Variants in SHISA9 observed in about 807,000 individuals in gnomAD.
SHISA9 encodes shisa family member 9, also known as protein shisa-9.
In SHISA9, 13 loss-of-function variants were observed where a neutral mutation model predicts 38.0. The observed-to-expected ratio is 0.34, with a 90% confidence interval of 0.22 to 0.54. The LOEUF (loss-of-function observed/expected upper bound fraction) is 0.54. Ranked by LOEUF, SHISA9 falls within the 20% of genes least tolerant of loss-of-function variation. SHISA9 has a pLI of 0.91. For missense variants in SHISA9, 538 were observed against 575.8 expected (o/e 0.93, Z 0.67); for synonymous variants, 275 against 242.0 (o/e 1.14, Z -1.27).
chr16:13,023,317 G>C (rs59309174), intron 2 of SHISA9, among the ~76,000 whole-genome samples: 75 of 152,226 alleles, frequency 4.9e-4, no homozygotes, highest in African/African-American at 1.7e-3. Flanking sequence ...ATGGTTTCCA[G>C]CTTCATCCAT....
chr16:13,019,948 T>TTCGTTCC (rs1567184258), intron 2 of SHISA9, among the ~76,000 whole-genome samples: 2 of 58,522 alleles, frequency 3.4e-5, no homozygotes, highest in Non-Finnish European at 7.6e-5. Flanking sequence ...TCTTTCTTTC[T>TTCGTTCC]TTCTTTCTTT....
chr16:13,531,871 A>G, the SHISA9 span, among the ~76,000 whole-genome samples: 2 of 152,200 alleles, frequency 1.3e-5, no homozygotes, highest in Admixed American at 6.5e-5. Flanking sequence ...AAAGCTATTA[A>G]AGATGAATTA....
At chr16:13,046,292 A>G (rs527292411) in intron 2 of SHISA9, among the ~76,000 whole-genome samples, 14 of 152,290 alleles carry the variant, frequency 9.2e-5, no homozygotes, top group Non-Finnish European at 1.3e-4. Flanking sequence ...GTCCTATATG[A>G]GCTGACAAGG....
chr16:13,102,837 T>C (rs73520665), intron 2 of SHISA9, among the ~76,000 whole-genome samples: 3,230 of 152,330 alleles, frequency 0.021, 129 homozygotes, highest in African/African-American at 0.074. Context: ...ACTATTATTC[T>C]GCCTAGGCCA....
At chr16:13,046,834 C>T (rs1354736028) in intron 2 of SHISA9, among the ~76,000 whole-genome samples, 1 of 152,158 alleles carries the variant, frequency 6.6e-6, no homozygotes. Flanking sequence ...ACCACTCTTC[C>T]TCTGCATGGC....
At chr16:13,337,311 C>A in the SHISA9 span, among the ~76,000 whole-genome samples, 1 of 152,158 alleles carries the variant, frequency 6.6e-6, no homozygotes, top group Non-Finnish European at 1.5e-5. Context: ...ATAAGTCTCA[C>A]GAGATCTGAT....
the SHISA9 span, among the ~76,000 whole-genome samples, chr16:13,550,480 A>G: frequency 6.6e-6 from 1 of 152,158 alleles, no homozygotes; most frequent in Non-Finnish European, 1.5e-5. Context: ...CCAAGTGGCA[A>G]CTCTTAACCA....
chr16:12,902,671 C>G, intron 1 of SHISA9, 44 bp downstream of exon 1: 1 of 1,477,974 alleles, frequency 6.8e-7, no homozygotes, highest in East Asian at 2.5e-5. Flanking sequence ...CTTCGCTCTC[C>G]CTGCTCTCTC....
chr16:13,559,009 T>C, the SHISA9 span, among the ~76,000 whole-genome samples: 1 of 152,232 alleles, frequency 6.6e-6, no homozygotes, highest in Non-Finnish European at 1.5e-5. Flanking sequence ...GATCAATTTA[T>C]AGTTTACAAA....
At chr16:13,054,583 G>A (rs2073288912) in intron 2 of SHISA9, among the ~76,000 whole-genome samples, 2 of 152,166 alleles carry the variant, frequency 1.3e-5, no homozygotes, top group Admixed American at 1.3e-4. Flanking sequence ...GGACAAATTT[G>A]ACTTATTTTC....
chr16:13,096,565 G>T (rs1466045395), intron 2 of SHISA9, among the ~76,000 whole-genome samples: 3 of 152,094 alleles, frequency 2.0e-5, no homozygotes, highest in Non-Finnish European at 2.9e-5. Context: ...GGTTGATATA[G>T]GCAGAGAAAA....
chr16:13,401,248 T>C, the SHISA9 span, among the ~76,000 whole-genome samples: 1 of 152,186 alleles, frequency 6.6e-6, no homozygotes, highest in Middle Eastern at 3.2e-3. Flanking sequence ...TATTCAGCCT[T>C]ATTTTTACAG....
At chr16:12,986,404 A>G (rs537001246) in intron 2 of SHISA9, among the ~76,000 whole-genome samples, 3 of 149,142 alleles carry the variant, frequency 2.0e-5, no homozygotes, top group Non-Finnish European at 4.4e-5. Context: ...CGTTTAGAAA[A>G]TGAATGAATT....
chr16:13,346,896 G>A, the SHISA9 span, among the ~76,000 whole-genome samples: 3 of 152,106 alleles, frequency 2.0e-5, no homozygotes, highest in Non-Finnish European at 4.4e-5. Flanking sequence ...TTCTTAATTT[G>A]CATAAATAGT....
chr16:13,488,019 A>G, the SHISA9 span, among the ~76,000 whole-genome samples: 1 of 152,214 alleles, frequency 6.6e-6, no homozygotes, highest in Non-Finnish European at 1.5e-5. Context: ...CAATACTTGA[A>G]CTTGACTATA....
chr16:13,309,856 TTTTA>T, the SHISA9 span, among the ~76,000 whole-genome samples: 7 of 151,880 alleles, frequency 4.6e-5, no homozygotes, highest in Middle Eastern at 3.4e-3. Context: ...AAGTTCTGTA[TTTTA>T]TTTATTTATT....
chr16:13,172,609 C>T (rs969665346), intron 2 of SHISA9, among the ~76,000 whole-genome samples: 4 of 152,110 alleles, frequency 2.6e-5, no homozygotes, highest in Non-Finnish European at 5.9e-5. Context: ...TCACCATCAC[C>T]TTCGTGCTGG....
intron 2 of SHISA9, among the ~76,000 whole-genome samples, chr16:12,932,950 A>T (rs1327553560): frequency 6.6e-6 from 1 of 152,132 alleles, no homozygotes; most frequent in Non-Finnish European, 1.5e-5. Context: ...TTACTCTCTT[A>T]TTTCTGCTAC....
chr16:13,206,309 T>G (rs542443666), intron 3 of SHISA9, among the ~76,000 whole-genome samples: 35 of 152,342 alleles, frequency 2.3e-4, no homozygotes, highest in African/African-American at 7.5e-4. Context: ...CTTTCTTTTA[T>G]TATCAACTGT....
Sources: gnomAD v4.1 joint callset for allele counts (sites outside exome capture counted in the v4.1 genomes callset) on GRCh38, gnomAD v4.1.1 for gene constraint, MANE v1.5 for transcripts, NCBI Gene and HGNC (gene_info 2026-07-23, HGNC 2026-07-21) for gene names.